DNAH2: variants seen among roughly 807,000 people sequenced by gnomAD.
DNAH2 encodes the protein axonemal beta dynein heavy chain 2.
DNAH2 carries 323 observed loss-of-function variants against 523.5 expected under a neutral mutation model. That is an observed-to-expected ratio of 0.62 (90% CI 0.56 to 0.68). The LOEUF is 0.68. DNAH2 is among the 30% of genes least tolerant of loss of function. DNAH2 has a pLI of 0.00. For missense variants in DNAH2, 4,907 were observed against 5,701.5 expected, an observed-to-expected ratio of 0.86 and a Z score of 4.49; for synonymous variants, 2,093 against 2,177.4, an observed-to-expected ratio of 0.96 and a Z score of 1.08.
intron 28 of DNAH2, among the ~76,000 whole-genome samples, chr17:7,773,884 C>T (rs2076383220): frequency 6.6e-6 from 1 of 152,134 alleles, no homozygotes; most frequent in Non-Finnish European, 1.5e-5. Context: ...CACCCGCCAC[C>T]ACGCCTGGCT....
chr17:7,735,420 G>T (rs375380042), intron 7 of DNAH2, among the ~76,000 whole-genome samples: 5 of 151,572 alleles, frequency 3.3e-5, no homozygotes, highest in African/African-American at 9.7e-5. Context: ...GTGAGCCACC[G>T]CACCTGGCTC....
chr17:7,777,619 G>C lies in DNAH2; in HGVS notation c.5232G>C (p.Arg1744=), dbSNP rs369589851. Reference sequence around the variant, plus strand: ...CCTTTGACTGGCTCAGCCAACTTCGGTTCTACTGGGAGAAGGTGCCAGATG... The same window carrying C: ...CCTTTGACTGGCTCAGCCAACTTCGCTTCTACTGGGAGAAGGTGCCAGATG... The part of the protein sequence containing the change: ...VNSFDWLSQL[R]FYWEKDLDDC... Residue 1744 remains arginine (R), a synonymous_variant, in exon 33 of 86, where the codon CGG becomes CGC. Coordinates refer to ENST00000572933, the MANE Select transcript of DNAH2 (RefSeq NM_020877.5). 1 of 1,614,134 alleles carries C rather than the reference G, an allele frequency of 6.2e-7. No individual in the cohort carries two copies. The highest frequency in any genetic ancestry group is 8.5e-7 in the Non-Finnish European group (1 of 1,179,996).
At chr17:7,740,063 G>C in intron 9 of DNAH2, 125 bp downstream of exon 9, 1 of 400,596 alleles carries the variant, frequency 2.5e-6, no homozygotes, top group Admixed American at 4.4e-5. Flanking sequence ...CAGGGCGGTG[G>C]CCCGGGGGGG....
At chr17:7,728,764 C>T (rs1353445196) in intron 4 of DNAH2, among the ~76,000 whole-genome samples, 3 of 152,124 alleles carry the variant, frequency 2.0e-5, no homozygotes, top group Admixed American at 1.3e-4. Flanking sequence ...GCAGGCTGAT[C>T]GCTTGAGCCT....
At chr17:7,737,991 G>A (rs1277886490) in intron 8 of DNAH2, 1 of 703,228 alleles carries the variant, frequency 1.4e-6, no homozygotes, top group Admixed American at 2.0e-5. Context: ...CGCTTATGCT[G>A]CCACGCCATC....
At chr17:7,779,142 G>A (rs895051021) in intron 35 of DNAH2, 101 bp from the exon 36 acceptor site, 57 of 1,402,564 alleles carry the variant, frequency 4.1e-5, no homozygotes, top group Non-Finnish European at 5.2e-5. Context: ...TCTGGAGGCC[G>A]CCTCGCCTAT....
rs913495796 is a variant in DNAH2, at chr17:7,776,145, G to A, written c.4943G>A (p.Gly1648Asp). ...GACAAATGGGTGAAGGAGTGGGCTGGCCAGGTGAGCTGGGGTCAACAGAAG... is the reference window on the plus strand; with the variant it reads ...GACAAATGGGTGAAGGAGTGGGCTGACCAGGTGAGCTGGGGTCAACAGAAG... The part of the protein sequence containing the change: ...KRDKWVKEWA[G>D]QVVITASQIQ... The change falls in exon 31 of 86, where the codon GGC becomes GAC. Residue 1648 changes from glycine (G) to aspartate (D), a missense_variant. Gly to Asp is a moderately conservative substitution (Grantham distance 94). Coordinates refer to ENST00000572933, the MANE Select transcript of DNAH2 (RefSeq NM_020877.5). 2 of 1,613,318 alleles carry A rather than the reference G, an allele frequency of 1.2e-6. No homozygotes were observed. Among genetic ancestry groups the A allele is most frequent in the African/African-American group, 1.3e-5 (1 of 75,036 alleles).
intron 24 of DNAH2, 58 bp from the exon 25 acceptor site, chr17:7,770,194 A>T (rs2076276531): frequency 1.3e-6 from 2 of 1,515,606 alleles, no homozygotes; most frequent in African/African-American, 2.8e-5. Flanking sequence ...CCAGTGGGAG[A>T]CAGCAATGGA....
chr17:7,769,988 A>G (rs1487795935), intron 24 of DNAH2, among the ~76,000 whole-genome samples: 1 of 152,212 alleles, frequency 6.6e-6, no homozygotes, highest in Non-Finnish European at 1.5e-5. Context: ...TACTCAGTAC[A>G]GTTCTAGAGT....
Position 7,760,056 on chromosome 17 carries a change from C to A in DNAH2, c.2785+118C>A. ...ATACTGGGCCAGTCACCTCCCTGACCTGGGGAAAACTCAGGTCAAGGGGCC... is the reference window on the plus strand; with the variant it reads ...ATACTGGGCCAGTCACCTCCCTGACATGGGGAAAACTCAGGTCAAGGGGCC... On this transcript the variant is annotated intron_variant, in intron 17 of 85. Coordinates refer to ENST00000572933, the MANE Select transcript of DNAH2 (RefSeq NM_020877.5). The surrounding 1 kb of genome is among the most constrained non-coding windows in gnomAD (Gnocchi z 4.0). 6.8e-7 allele frequency: 1 copy of A among 1,480,278 alleles called. No homozygotes were observed. Among genetic ancestry groups the A allele is most frequent in the African/African-American group, 1.4e-5 (1 of 72,434 alleles). The allele number at this position is 1,480,278 out of a possible 1,614,324, so 91.7% of individuals were successfully genotyped here. A position where few individuals can be genotyped will look rare whatever the true frequency, so the allele number is the denominator to read the frequency against.
At chr17:7,734,151 CT>C in intron 5 of DNAH2, 31 bp from the exon 6 acceptor site, 1 of 1,552,176 alleles carries the variant, frequency 6.4e-7, no homozygotes, top group Non-Finnish European at 8.7e-7. Flanking sequence ...CTCATCCCCT[CT>C]GTCCACTTCC....
In DNAH2 at chr17:7,755,863, A is replaced by G. The variant is rs537109538; in HGVS notation, c.1905-1228A>G. ...TGCCTAGGCTGGAGTGCAATGGCAC[A>G]ATCTTGGCTAACTGCAACCTCCACC... On this transcript the variant is annotated intron_variant, in intron 12 of 85. Transcript: ENST00000572933. Among the ~76,000 whole-genome samples the G allele has an allele frequency of 4.6e-5, 7 of 151,358 alleles. No homozygotes were observed. The South Asian group carries it at 1.5e-3, about 32-fold the overall frequency.
In DNAH2 at chr17:7,777,606, T is replaced by A. The variant is rs1597624644; in HGVS notation, c.5219T>A (p.Leu1740His). Residue 1740 changes from leucine to histidine, a missense_variant, in exon 33 of 86, where the codon CTC becomes CAC. Physicochemically the swap from Leu to His is moderately conservative, Grantham distance 99 (BLOSUM62 -3). Around this residue, in one of 3 missense-constraint regions of DNAH2, gnomAD observed 2,806 missense variants for 3,190.8 expected, o/e 0.88. Transcript: ENST00000572933. ...ATGGATGTCAATTCCTTTGACTGGCTCAGCCAACTTCGGTTCTACTGGGAG... is the reference window on the plus strand; with the variant it reads ...ATGGATGTCAATTCCTTTGACTGGCACAGCCAACTTCGGTTCTACTGGGAG... ...GLMDVNSFDW[L>H]SQLRFYWEKD... The A allele has an allele frequency of 6.2e-7, 1 of 1,614,164 alleles. No homozygotes were observed.
At chr17:7,777,295 T>C in intron 32 of DNAH2, 151 bp from the exon 33 acceptor site, 2 of 824,804 alleles carry the variant, frequency 2.4e-6, no homozygotes, top group Non-Finnish European at 3.9e-6. Flanking sequence ...GGAAGTCCAG[T>C]GGGGGCAGTC....
intron 56 of DNAH2, 52 bp from the exon 57 acceptor site, chr17:7,801,526 T>C: frequency 1.2e-6 from 2 of 1,608,514 alleles, no homozygotes; most frequent in Non-Finnish European, 1.7e-6. Flanking sequence ...AGCCAGTACC[T>C]GGAGGCTGTG....
chr17:7,809,336 C>A (rs974672581), intron 63 of DNAH2, among the ~76,000 whole-genome samples: 1 of 152,104 alleles, frequency 6.6e-6, no homozygotes, highest in African/African-American at 2.4e-5. Flanking sequence ...AGCTCATCCC[C>A]GTTTTTTTCC....
intron 63 of DNAH2, among the ~76,000 whole-genome samples, chr17:7,815,826 T>C (rs540976633): frequency 2.2e-4 from 33 of 152,292 alleles, no homozygotes; most frequent in Admixed American, 3.9e-4. Flanking sequence ...TGAATATATA[T>C]ATATTCATTC....
Position 7,768,234 on chromosome 17 carries a change from T to C in DNAH2, c.3908T>C (p.Ile1303Thr), listed in dbSNP as rs2076225081. Residue 1303 changes from isoleucine to threonine, a missense_variant, in exon 24 of 86, where the codon ATC becomes ACC. Around this residue, in one of 3 missense-constraint regions of DNAH2, gnomAD observed 2,806 missense variants for 3,190.8 expected, o/e 0.88. Transcript: ENST00000572933. ...IEQFKRTMPL[I>T]SDLRNPALRE... Reference sequence around the variant, plus strand: ...CAGTTCAAGAGGACCATGCCTCTCATCTCAGACCTGCGGAACCCTGCCCTT... The same window carrying C: ...CAGTTCAAGAGGACCATGCCTCTCACCTCAGACCTGCGGAACCCTGCCCTT... 2 of 1,614,040 alleles carry C rather than the reference T, an allele frequency of 1.2e-6. No homozygotes were observed. The highest frequency in any genetic ancestry group is 2.7e-5 in the African/African-American group (2 of 74,916).
intron 77 of DNAH2, among the ~76,000 whole-genome samples, chr17:7,829,224 G>A (rs988065414): frequency 6.6e-6 from 1 of 151,892 alleles, no homozygotes. Flanking sequence ...ATATTGGCCA[G>A]GCTGGTCTCA....
Sources: allele counts gnomAD v4.1 joint callset (sites outside exome capture counted in the v4.1 genomes callset), GRCh38; gene constraint gnomAD v4.1.1; regional missense constraint gnomAD v4.1.1; non-coding constraint Gnocchi (gnomAD v3.1); transcripts MANE v1.5; gene names NCBI Gene and HGNC (gene_info 2026-07-23, HGNC 2026-07-21).